Variants in PRKG1 observed in about 807,000 individuals in gnomAD.
PRKG1 encodes cGMP-dependent protein kinase 1.
A neutral mutation model predicts 88.1 loss-of-function variants in PRKG1; 35 were observed. The observed-to-expected ratio is 0.40, with a 90% confidence interval of 0.30 to 0.53. The LOEUF (loss-of-function observed/expected upper bound fraction) is 0.53, where lower values mean the gene tolerates loss of function less well. Among genes scored for constraint, PRKG1 ranks in the 20% least tolerant of loss-of-function variants. PRKG1 has a pLI of 0.59. For synonymous variants in PRKG1, 303 were observed against 292.5 expected, an observed-to-expected ratio of 1.04 and a Z score of -0.37; for missense variants, 540 against 839.8, an observed-to-expected ratio of 0.64 and a Z score of 4.41.
intron 5 of PRKG1, among the ~76,000 whole-genome samples, chr10:52,023,058 C>T (rs1335211380): frequency 2.0e-5 from 3 of 152,084 alleles, no homozygotes; most frequent in Non-Finnish European, 4.4e-5. Flanking sequence ...TAATGCAATC[C>T]TGACCCTAGC....
Position 51,001,153 on chromosome 10 carries a change from G to A in PRKG1, c.266+9509G>A, listed in dbSNP as rs557173962. Among the ~76,000 whole-genome samples the A allele has an allele frequency of 3.3e-5, 5 of 152,306 alleles. No individual in the cohort carries two copies. In the South Asian group the frequency reaches 6.2e-4, roughly 19 times the overall value. ...AACTCTCTTGCCTTGAGACAGTGAGGTCCATGGCTGAAGAGGCCAGCCTAG... is the reference window on the plus strand; with the variant it reads ...AACTCTCTTGCCTTGAGACAGTGAGATCCATGGCTGAAGAGGCCAGCCTAG... On this transcript the variant is annotated intron_variant, in intron 1 of 17. Transcript: ENST00000401604.
At chr10:51,736,775 G>A (rs10762341) in intron 3 of PRKG1, among the ~76,000 whole-genome samples, 77,296 of 151,168 alleles carry the variant, frequency 0.51, 20,428 homozygotes, top group Middle Eastern at 0.63. Context: ...CTACAGGTGC[G>A]CCACTACTAC....
chr10:51,704,448 A>G (rs551138033), intron 3 of PRKG1, among the ~76,000 whole-genome samples: 2 of 152,326 alleles, frequency 1.3e-5, no homozygotes, highest in Non-Finnish European at 2.9e-5. Flanking sequence ...GCCTCAAATC[A>G]AAGACAAGAC....
chr10:51,180,193 C>T (rs920160196), intron 2 of PRKG1, among the ~76,000 whole-genome samples: 3 of 152,210 alleles, frequency 2.0e-5, no homozygotes, highest in African/African-American at 7.2e-5. Context: ...CGGACTGTCT[C>T]TCTGAGGGTA....
intron 2 of PRKG1, among the ~76,000 whole-genome samples, chr10:51,305,512 C>CT (rs1000423848): frequency 2.6e-5 from 4 of 152,142 alleles, no homozygotes; most frequent in Non-Finnish European, 5.9e-5. Flanking sequence ...AAATAAATAA[C>CT]TTTTTCCAGA....
chr10:51,016,669 C>CTTTATTTTTTTTTTTTT (rs1323068893), intron 1 of PRKG1, among the ~76,000 whole-genome samples: 1 of 22,768 alleles, frequency 4.4e-5, no homozygotes, highest in African/African-American at 2.1e-4. Flanking sequence ...TATTATTATC[C>CTTTATTTTTTTTTTTTT]TTTCTTTTTT....
At chr10:51,276,128 C>T (rs895225900) in intron 2 of PRKG1, among the ~76,000 whole-genome samples, 4 of 152,072 alleles carry the variant, frequency 2.6e-5, no homozygotes, top group East Asian at 1.9e-4. Flanking sequence ...CCCAACCCCA[C>T]GACAGGCCCC....
At chr10:51,050,074 T>A (rs1385260179) in intron 1 of PRKG1, among the ~76,000 whole-genome samples, 1 of 152,082 alleles carries the variant, frequency 6.6e-6, no homozygotes, top group Non-Finnish European at 1.5e-5. Context: ...ATTTTCTACA[T>A]ATTATTTTGT....
chr10:51,909,775 A>C (rs1341465703), intron 5 of PRKG1: 2 of 152,078 alleles, frequency 1.3e-5, no homozygotes, highest in Non-Finnish European at 2.9e-5. Context: ...GAAGAGAATA[A>C]CTTAGAGAAG....
chr10:51,349,210 G>A (rs150219787), intron 2 of PRKG1, among the ~76,000 whole-genome samples: 3 of 152,250 alleles, frequency 2.0e-5, no homozygotes, highest in African/African-American at 7.2e-5. Flanking sequence ...TGCTGGAAGT[G>A]TGTACATTTG....
At chr10:51,128,723 A>G (rs1007937945) in intron 1 of PRKG1, among the ~76,000 whole-genome samples, 3 of 152,186 alleles carry the variant, frequency 2.0e-5, no homozygotes, top group African/African-American at 7.2e-5. Flanking sequence ...TACATTATAC[A>G]TTTGGAGTAA....
chr10:51,309,790 C>A (rs1841137163), intron 2 of PRKG1, among the ~76,000 whole-genome samples: 1 of 152,166 alleles, frequency 6.6e-6, no homozygotes, highest in African/African-American at 2.4e-5. Context: ...AAGATACCTG[C>A]ATTCATATGT....
intron 5 of PRKG1, among the ~76,000 whole-genome samples, chr10:52,053,929 A>G (rs1220168046): frequency 2.6e-5 from 4 of 152,166 alleles, no homozygotes; most frequent in African/African-American, 9.7e-5. Flanking sequence ...CCTGGTTTCA[A>G]AGGAAGATTT....
At chr10:51,099,990 G>C (rs6479921) in intron 1 of PRKG1, among the ~76,000 whole-genome samples, 121,803 of 152,096 alleles carry the variant, frequency 0.8, 49,249 homozygotes, top group South Asian at 0.88. Context: ...AACTCCTGGG[G>C]TCAAGCCATC....
chr10:52,157,251 A>G, intron 8 of PRKG1, among the ~76,000 whole-genome samples: 1 of 147,676 alleles, frequency 6.8e-6, no homozygotes, highest in African/African-American at 2.5e-5. Flanking sequence ...ATGCACATAT[A>G]TATGTTGTGT....
At chr10:51,941,666 A>G (rs950359695) in intron 5 of PRKG1, among the ~76,000 whole-genome samples, 9 of 136,310 alleles carry the variant, frequency 6.6e-5, no homozygotes, top group African/African-American at 1.4e-4. Flanking sequence ...ATCTGTTCTC[A>G]TTGTTCAATT....
intron 2 of PRKG1, among the ~76,000 whole-genome samples, 187 bp from the exon 3 acceptor site, chr10:51,467,536 A>G (rs1215110503): frequency 6.6e-6 from 1 of 152,134 alleles, no homozygotes; most frequent in African/African-American, 2.4e-5. Flanking sequence ...TAGTAAATTT[A>G]AGAAAATATG....
At chr10:51,083,322 T>TTTTG (rs1844161542) in intron 1 of PRKG1, among the ~76,000 whole-genome samples, 3 of 152,258 alleles carry the variant, frequency 2.0e-5, no homozygotes, top group African/African-American at 4.8e-5. Flanking sequence ...ATCCCAAGTT[T>TTTTG]TTTGTTTGTT....
chr10:51,416,999 A>C (rs1053807432), intron 2 of PRKG1, among the ~76,000 whole-genome samples: 1 of 152,194 alleles, frequency 6.6e-6, no homozygotes, highest in African/African-American at 2.4e-5. Flanking sequence ...TCTCATTGAG[A>C]ATCACCCCTG....
Sources: gnomAD v4.1 joint callset for allele counts (sites outside exome capture counted in the v4.1 genomes callset) on GRCh38, gnomAD v4.1.1 for gene constraint, MANE v1.5 for transcripts, NCBI Gene and HGNC (gene_info 2026-07-23, HGNC 2026-07-21) for gene names.